Variants in MORC4 observed in about 807,000 individuals in gnomAD.
MORC4 encodes the protein MORC family CW-type zinc finger 4.
Under a neutral mutation model 65.5 loss-of-function variants are expected in MORC4, and 22 were observed. That is an observed-to-expected ratio of 0.34 (90% CI 0.24 to 0.48). The LOEUF is 0.48. Among genes scored for constraint, MORC4 ranks in the 20% least tolerant of loss-of-function variants. The pLI, the probability that MORC4 is intolerant of heterozygous loss-of-function variation, is 0.99. For synonymous variants in MORC4, 267 were observed against 255.8 expected (o/e 1.04, Z -0.42); for missense variants, 624 against 703.0 (o/e 0.89, Z 1.27).
At chrX:106,979,724 T>C (rs1934701905) in intron 7 of MORC4, among the ~76,000 whole-genome samples, 1 of 110,367 alleles carries the variant, frequency 9.1e-6, no homozygotes, top group Admixed American at 9.7e-5. Flanking sequence ...TGCATAGAAG[T>C]TTCCCTGATA....
At chrX:106,993,429 AGT>A in intron 2 of MORC4, 67 bp from the exon 3 acceptor site, 5 of 1,060,706 alleles carry the variant, frequency 4.7e-6, no homozygotes, top group Non-Finnish European at 6.5e-6. Flanking sequence ...TCTCTAGTTC[AGT>A]GACGCCAAGA....
intron 14 of MORC4, among the ~76,000 whole-genome samples, chrX:106,954,659 T>G (rs1218604686): frequency 8.9e-6 from 1 of 112,240 alleles, no homozygotes; most frequent in Admixed American, 9.4e-5. Context: ...CAATATAATG[T>G]GAATACATGA....
intron 14 of MORC4, among the ~76,000 whole-genome samples, chrX:106,949,348 A>G (rs1208113935): frequency 8.9e-6 from 1 of 112,069 alleles, no homozygotes; most frequent in Non-Finnish European, 1.9e-5. Context: ...GCATTGAAGT[A>G]TTTGTCTGAT....
At chrX:106,969,457 G>A (rs1019424868) in intron 9 of MORC4, among the ~76,000 whole-genome samples, 11 of 111,238 alleles carry the variant, frequency 9.9e-5, no homozygotes, top group Non-Finnish European at 1.5e-4. Context: ...CTAGCAGAAG[G>A]CAAGAAATAA....
intron 14 of MORC4, among the ~76,000 whole-genome samples, chrX:106,953,509 C>T (rs887569431): frequency 2.7e-5 from 3 of 111,811 alleles, no homozygotes; most frequent in Non-Finnish European, 1.9e-5. Context: ...TGTAATTAGG[C>T]TCAAGCTCCT....
intron 14 of MORC4, among the ~76,000 whole-genome samples, chrX:106,949,147 T>C (rs1933915290): frequency 8.9e-6 from 1 of 111,980 alleles, no homozygotes; most frequent in Admixed American, 9.5e-5. Context: ...TCAAGTTTTT[T>C]TATTCTTTAT....
intron 9 of MORC4, among the ~76,000 whole-genome samples, chrX:106,975,209 T>C (rs1289916910): frequency 8.9e-6 from 1 of 112,015 alleles, no homozygotes; most frequent in Non-Finnish European, 1.9e-5. Flanking sequence ...TTCACAAATC[T>C]TAATTATTTA....
chrX:106,991,991 C>A (rs1291236866), intron 3 of MORC4, among the ~76,000 whole-genome samples: 1 of 111,480 alleles, frequency 9.0e-6, no homozygotes, highest in East Asian at 2.8e-4. Context: ...GGTTCCATCC[C>A]ATCTAAAATT....
intron 5 of MORC4, among the ~76,000 whole-genome samples, chrX:106,984,643 A>AT (rs900657419): frequency 9.4e-4 from 92 of 98,064 alleles, no homozygotes; most frequent in Non-Finnish European, 1.4e-3. Flanking sequence ...TAATTTTTGT[A>AT]TTTTTTTTTT....
At position 106,956,489 on chromosome X, in the gene MORC4, C is replaced by G. The variant is rs1179028378; in HGVS notation, c.1500G>C (p.Glu500Asp). 3 of 1,205,131 alleles carry G rather than the reference C, an allele frequency of 2.5e-6. No individual in the cohort carries two copies. The highest frequency in any genetic ancestry group is 2.2e-5 in the Admixed American group (1 of 45,803). Residue 500 changes from glutamate (E) to aspartate (D), a missense_variant, in exon 13 of 17, where the codon GAG (glutamate) becomes GAC (aspartate). Physicochemically the swap from Glu to Asp is conservative, Grantham distance 45. Coordinates refer to ENST00000355610, the MANE Select transcript of MORC4 (RefSeq NM_024657.5). ...GTGCACTGCCTCTCACCTGGTGGTTCTCATTTTCCATAGGCATCTTCTTCT... is the reference window on the plus strand; with the variant it reads ...GTGCACTGCCTCTCACCTGGTGGTTGTCATTTTCCATAGGCATCTTCTTCT... ...EEKKKMPMEN[E>D]NHQVFSNPPK...
chrX:106,947,340 T>C (rs1933854368), intron 14 of MORC4, among the ~76,000 whole-genome samples: 1 of 108,520 alleles, frequency 9.2e-6, no homozygotes, highest in Non-Finnish European at 1.9e-5. Flanking sequence ...TGAAGTTTTC[T>C]GTATGTATGT....
At position 107,000,067 on chromosome X, in the gene MORC4, C is replaced by G; in HGVS notation, c.-98G>C. The G allele has an allele frequency of 3.7e-6, 1 of 267,802 alleles. No homozygotes were observed. The highest frequency in any genetic ancestry group is 5.7e-6 in the Non-Finnish European group (1 of 174,914). The allele number at this position is 267,802 out of a possible 1,213,427, so 22.1% of individuals were successfully genotyped here. A position where few individuals can be genotyped will look rare whatever the true frequency, so the allele number is the denominator to read the frequency against. The stretch of plus-strand genomic sequence containing the variant: ...CACTTCCACTCGCAGCTGGCGGCGA[C>G]CGTCCGGGACCGGCCCTCCCTCGCT... On this transcript the variant is annotated 5_prime_UTR_variant, in exon 1 of 17. Transcript: ENST00000355610.
intron 5 of MORC4, among the ~76,000 whole-genome samples, chrX:106,981,949 A>AT (rs1934753171): frequency 8.9e-6 from 1 of 112,280 alleles, no homozygotes; most frequent in African/African-American, 3.2e-5. Context: ...AGGAAAAAAG[A>AT]TTGTTACAAA....
At chrX:106,966,499 C>G (rs776368444) in intron 9 of MORC4, among the ~76,000 whole-genome samples, 1 of 112,643 alleles carries the variant, frequency 8.9e-6, no homozygotes, top group East Asian at 2.8e-4. Context: ...CACGGGGAAA[C>G]GCAAGAGGTC....
At chrX:106,990,343 G>A (rs373594312) in intron 3 of MORC4, among the ~76,000 whole-genome samples, 23 of 109,317 alleles carry the variant, frequency 2.1e-4, no homozygotes, top group African/African-American at 6.0e-4. Flanking sequence ...TGCAACCTCC[G>A]CTTCCTGGGT....
chrX:106,990,634 G>A (rs1188637874), intron 3 of MORC4, among the ~76,000 whole-genome samples: 2 of 112,431 alleles, frequency 1.8e-5, no homozygotes, highest in African/African-American at 6.5e-5. Flanking sequence ...CACTTTGGGA[G>A]GCCAAGGCGG....
intron 10 of MORC4, among the ~76,000 whole-genome samples, chrX:106,960,970 T>C (rs150724939): frequency 2.3e-3 from 261 of 112,127 alleles, no homozygotes; most frequent in African/African-American, 7.9e-3. Context: ...TTGATGGTGG[T>C]GTAACTGACT....
intron 9 of MORC4, among the ~76,000 whole-genome samples, chrX:106,968,129 C>G: frequency 9.0e-6 from 1 of 111,705 alleles, no homozygotes. Flanking sequence ...GTGCAGAAAC[C>G]CTATAAGCCA....
chrX:106,955,042 C>G lies in MORC4; in HGVS notation c.1556G>C (p.Gly519Ala). 1 of 1,206,021 alleles carries G rather than the reference C, an allele frequency of 8.3e-7. No homozygotes were observed. The highest frequency in any genetic ancestry group is 1.8e-5 in the South Asian group (1 of 56,076). ...PKILTVQEMA[G>A]LNNKTIGYEG... is the part of the protein sequence containing the mutation. ...ATATCCAATTGTCTTGTTATTCAAT[C>G]CAGCCATTTCTTGAACAGTAAGGAT... is the stretch of plus-strand genomic sequence containing the variant. The change falls in exon 14 of 17, where the codon GGA (glycine) becomes GCA (alanine). Residue 519 changes from glycine (G) to alanine (A), a missense_variant. Gly to Ala is a moderately conservative substitution (Grantham distance 60). Transcript: ENST00000355610.
Sources: allele counts gnomAD v4.1 joint callset (sites outside exome capture counted in the v4.1 genomes callset), GRCh38; gene constraint gnomAD v4.1.1; transcripts MANE v1.5; gene names NCBI Gene and HGNC (gene_info 2026-07-23, HGNC 2026-07-21).